ECT2: variants seen among roughly 807,000 people sequenced by gnomAD.
ECT2 encodes epithelial cell transforming 2, also known as protein ECT2.
Under a neutral mutation model 116.9 loss-of-function variants are expected in ECT2, and 61 were observed. The observed-to-expected ratio is 0.52, with a 90% CI of 0.42 to 0.65. The LOEUF is 0.65. Among genes scored for constraint, ECT2 ranks in the 30% least tolerant of loss-of-function variants. The pLI is 0.00. For synonymous variants in ECT2, 358 were observed against 346.4 expected (o/e 1.03, Z -0.37); for missense variants, 937 against 1,078.7 (o/e 0.87, Z 1.84).
chr3:172,755,545 T>G lies in ECT2; in HGVS notation c.273T>G (p.Asp91Glu). 6.7e-7 allele frequency: 1 copy of G among 1,486,268 alleles called. No homozygotes were observed. Among genetic ancestry groups the G allele is most frequent in the Non-Finnish European group, 9.1e-7 (1 of 1,101,868 alleles). 92.1% of individuals were successfully genotyped at this position (1,486,268 alleles called of 1,614,324 possible). The change falls in exon 4 of 25, where the codon GAT becomes GAG. Residue 91 changes from aspartate to glutamate, a missense_variant. Asp to Glu is a conservative substitution (Grantham distance 45). Transcript: ENST00000392692. ...AAGAAAGTTGTCCTGGAAAATCGGA[T>G]GAAAAATTAATAAAAAGTGTTATTA... Reference protein sequence around the residue: ...KIKESCPGKSDEKLIKSVINM... With the variant: ...KIKESCPGKSEEKLIKSVINM...
intron 13 of ECT2, among the ~76,000 whole-genome samples, chr3:172,770,470 A>C (rs968868946): frequency 6.6e-6 from 1 of 152,170 alleles, no homozygotes; most frequent in East Asian, 1.9e-4. Flanking sequence ...TGTTTAAAAG[A>C]TTGTGGCCTA....
At chr3:172,802,393 G>T (rs945979057) in intron 18 of ECT2, among the ~76,000 whole-genome samples, 1 of 152,130 alleles carries the variant, frequency 6.6e-6, no homozygotes, top group Non-Finnish European at 1.5e-5. Context: ...GATTACAGGC[G>T]CAAGTCACCG....
In ECT2 at chr3:172,803,007, T is replaced by C. The variant is rs1470662118; in HGVS notation, c.2106+27T>C. On this transcript the variant is annotated intron_variant, in intron 20 of 24. Transcript: ENST00000392692. ...TAAAGATGTACTTCACATAGTATAA[T>C]AACACTACTGATTTTTGTAAGTTCC... The C allele has an allele frequency of 3.2e-6, 5 of 1,564,766 alleles. 1 individual carries two copies. The Admixed American group carries it at 7.8e-5, about 24-fold the overall frequency.
chr3:172,809,120 A>C (rs577108094), intron 22 of ECT2, among the ~76,000 whole-genome samples: 1 of 152,204 alleles, frequency 6.6e-6, no homozygotes, highest in African/African-American at 2.4e-5. Flanking sequence ...ATCCATATAT[A>C]AAATGGTTTT....
intron 20 of ECT2, among the ~76,000 whole-genome samples, chr3:172,803,577 G>A (rs1420947694): frequency 6.6e-6 from 1 of 152,028 alleles, no homozygotes; most frequent in African/African-American, 2.4e-5. Flanking sequence ...CCTCTAATAT[G>A]TATTTTTAAA....
chr3:172,776,934 G>A (rs1721852105), intron 14 of ECT2, among the ~76,000 whole-genome samples: 1 of 151,770 alleles, frequency 6.6e-6, no homozygotes, highest in African/African-American at 2.4e-5. Flanking sequence ...GAGTGCAGTG[G>A]TGCAGTCTTG....
intron 22 of ECT2, among the ~76,000 whole-genome samples, chr3:172,813,019 G>T (rs2109272815): frequency 6.6e-6 from 1 of 152,198 alleles, no homozygotes; most frequent in South Asian, 2.1e-4. Flanking sequence ...ACATTCCTCA[G>T]TGCTTTGTTT....
chr3:172,807,979 C>G, intron 22 of ECT2, 55 bp downstream of exon 22: 1 of 1,482,828 alleles, frequency 6.7e-7, no homozygotes, highest in Non-Finnish European at 9.1e-7. Flanking sequence ...ACAGTGCATT[C>G]AGACTAAACC....
At chr3:172,782,256 G>A (rs1364496412) in intron 15 of ECT2, 25 bp downstream of exon 15, 1 of 1,389,656 alleles carries the variant, frequency 7.2e-7, no homozygotes, top group Admixed American at 1.9e-5. Flanking sequence ...TCTTTTTTAA[G>A]TTTTCAGATT....
At chr3:172,770,308 T>G (rs1163530954) in intron 13 of ECT2, among the ~76,000 whole-genome samples, 2 of 152,200 alleles carry the variant, frequency 1.3e-5, no homozygotes, top group Non-Finnish European at 2.9e-5. Flanking sequence ...AAATGTAAAT[T>G]CTTTCAAGCC....
At position 172,764,349 on chromosome 3, in the gene ECT2, A is replaced by ACGT; in HGVS notation, c.1144_1146dup (p.Arg382dup). On this transcript the variant is annotated inframe_insertion, in exon 12 of 25. Transcript: ENST00000392692. Reference sequence around the variant, plus strand: ...ATACCCCTAACAGCAATCGCAAACGACGTCGTTTAAAAGAAACACTTGCTC... The same window carrying ACGT: ...ATACCCCTAACAGCAATCGCAAACGACGTCGTCGTTTAAAAGAAACACTTGCTC... 8.1e-6 allele frequency: 13 copies of ACGT among 1,614,154 alleles called. No homozygotes were observed. The highest frequency in any genetic ancestry group is 1.1e-5 in the Non-Finnish European group (13 of 1,179,998).
rs1003580386 is a variant in ECT2, at chr3:172,755,492, A to G, written c.220A>G (p.Ile74Val). 1 of 1,506,310 alleles carries G rather than the reference A, an allele frequency of 6.6e-7. No individual in the cohort carries two copies. 93.3% of individuals were successfully genotyped at this position (1,506,310 alleles called of 1,614,324 possible). A position where few individuals can be genotyped will look rare whatever the true frequency, so the allele number is the denominator to read the frequency against. ...AGTCTCTTTTCCACAGACTATTAAA[A>G]TAATGGAAGTCCCTGTTATAAAGAT... ...ELIKALKTIK[I>V]MEVPVIKIKE... The change falls in exon 4 of 25, where the codon ATA becomes GTA. Residue 74 changes from isoleucine (I) to valine (V), a missense_variant. Ile to Val is a conservative substitution (Grantham distance 29). Transcript: ENST00000392692.
rs774251103 is a variant in ECT2, at chr3:172,762,444, A to G, written c.787A>G (p.Arg263Gly). 16 of 1,596,180 alleles carry G rather than the reference A, an allele frequency of 1.0e-5. No homozygotes were observed. Among genetic ancestry groups the G allele is most frequent in the Non-Finnish European group, 1.4e-5 (16 of 1,176,144 alleles). Residue 263 changes from arginine (R) to glycine (G), a missense_variant, in exon 9 of 25, where the codon AGA (arginine) becomes GGA (glycine). Transcript: ENST00000392692. ...TTTCTATGCAGCAGTTGATGACTTT[A>G]GAAATGAATTTAAAGTTCCTCCATT... ...QDFYAAVDDF[R>G]NEFKVPPFQD...
chr3:172,783,339 T>G (rs1157500427), intron 15 of ECT2, among the ~76,000 whole-genome samples: 1 of 152,188 alleles, frequency 6.6e-6, no homozygotes, highest in East Asian at 1.9e-4. Context: ...TTTCTCATTT[T>G]TTTGATAACC....
At chr3:172,789,660 G>A (rs985863788) in intron 18 of ECT2, among the ~76,000 whole-genome samples, 1 of 152,164 alleles carries the variant, frequency 6.6e-6, no homozygotes, top group Non-Finnish European at 1.5e-5. Context: ...TTGACACCAC[G>A]TTATCAACTA....
chr3:172,782,151 G>C lies in ECT2; in HGVS notation c.1549-12G>C, dbSNP rs375469102. On this transcript the variant is annotated splice_polypyrimidine_tract_variant and intron_variant, in intron 14 of 24. Coordinates refer to ENST00000392692, the MANE Select transcript of ECT2 (RefSeq NM_001258315.2). ...GGTTTAATTTTAAATATTTCAATTC[G>C]TGCTATTTCAGGATGATCTTGAAGA... The C allele has an allele frequency of 2.6e-6, 4 of 1,512,732 alleles. No homozygotes were observed. The Admixed American group carries it at 7.7e-5, about 29-fold the overall frequency. The allele number at this position is 1,512,732 out of a possible 1,614,324, so 93.7% of individuals were successfully genotyped here. A position where few individuals can be genotyped will look rare whatever the true frequency, so the allele number is the denominator to read the frequency against.
intron 21 of ECT2, among the ~76,000 whole-genome samples, chr3:172,806,340 G>A (rs1269284418): frequency 6.6e-6 from 1 of 152,122 alleles, no homozygotes; most frequent in Non-Finnish European, 1.5e-5. Flanking sequence ...GTAACTGGTA[G>A]ACTTGATATG....
At chr3:172,785,748 T>C (rs2108733566) in intron 17 of ECT2, among the ~76,000 whole-genome samples, 1 of 152,276 alleles carries the variant, frequency 6.6e-6, no homozygotes, top group Non-Finnish European at 1.5e-5. Context: ...CAGTTGAGAA[T>C]TACTGGCTTA....
rs138087804 is a variant in ECT2, at chr3:172,758,468, T to TACACACACAC, written c.487-504_487-495dup. ...ATTATTTTTAAACCGTTCTCTTTTA[T>TACACACACAC]ACACACACACACACACAGACACACA... is the stretch of plus-strand genomic sequence containing the variant. On this transcript the variant is annotated intron_variant, in intron 5 of 24. Transcript: ENST00000392692. Among the ~76,000 whole-genome samples the TACACACACAC allele has an allele frequency of 7.8e-3, 1,179 of 150,998 alleles. 9 individuals are homozygous for TACACACACAC. The highest frequency in any genetic ancestry group is 0.02 in the African/African-American group (822 of 41,116).
Sources: allele counts gnomAD v4.1 joint callset (sites outside exome capture counted in the v4.1 genomes callset), GRCh38; gene constraint gnomAD v4.1.1; transcripts MANE v1.5; gene names NCBI Gene and HGNC (gene_info 2026-07-23, HGNC 2026-07-21).